The following NPIPB6 variants were observed in gnomAD, a reference collection of about 807,000 sequenced individuals.
NPIPB6 encodes nuclear pore complex interacting protein family member B6.
NPIPB6 carries 2 observed loss-of-function variants against 20.0 expected under a neutral mutation model. The ratio of observed to expected loss-of-function variants is 0.10; its 90% CI spans 0.04 to 0.31. The LOEUF (loss-of-function observed/expected upper bound fraction) is 0.31, where lower values mean the gene tolerates loss of function less well. NPIPB6 is among the 10% of genes least tolerant of loss of function. The pLI is 1.00. For missense variants in NPIPB6, 96 were observed against 293.7 expected (o/e 0.33, Z 4.92); for synonymous variants, 35 against 116.3 (o/e 0.30, Z 4.50).
intron 2 of NPIPB6, among the ~76,000 whole-genome samples, chr16:28,350,266 T>C (rs1448082735): frequency 9.9e-6 from 1 of 100,952 alleles, no homozygotes; most frequent in Non-Finnish European, 2.2e-5. Flanking sequence ...CACGGTTAGA[T>C]GGTAATTATC....
Position 28,349,672 on chromosome 16 carries a change from T to C in NPIPB6, c.304-431A>G, listed in dbSNP as rs1267431146. 3.3e-5 allele frequency among the ~76,000 whole-genome samples: 3 copies of C among 92,198 alleles called. 1 individual carries two copies. The allele number at this position is 92,198 out of a possible 152,430, so 60.5% of individuals were successfully genotyped here. On this transcript the variant is annotated intron_variant, in intron 2 of 6. Transcript: ENST00000532254. ...GGGAGGCCGAGGCAGGCGGATCACCTGAGGTCGGGAGTTTGAGACCAGCCT... is the reference window on the plus strand; with the variant it reads ...GGGAGGCCGAGGCAGGCGGATCACCCGAGGTCGGGAGTTTGAGACCAGCCT...
chr16:28,361,724 CTCTATA>C (rs1330339016), intron 1 of NPIPB6, among the ~76,000 whole-genome samples: 954 of 135,532 alleles, frequency 7.0e-3, no homozygotes, highest in African/African-American at 0.026. Context: ...CTGTCTCTCT[CTCTATA>C]TGTGTGTGTG....
rs1315192927 is a variant in NPIPB6 at position 28,349,937 on chromosome 16, G to T, written c.304-696C>A. On this transcript the variant is annotated intron_variant, in intron 2 of 6. Transcript: ENST00000532254. ...AAAGAGCCCAGGTGCGGTAGCTCACGCCTGTAATCCCAGCACTTTGGGAGG... is the reference window on the plus strand; with the variant it reads ...AAAGAGCCCAGGTGCGGTAGCTCACTCCTGTAATCCCAGCACTTTGGGAGG... Among the ~76,000 whole-genome samples the T allele has an allele frequency of 5.1e-5, 5 of 98,582 alleles. 1 individual carries two copies. The highest frequency in any genetic ancestry group is 6.0e-4 in the East Asian group (2 of 3,322). The allele number at this position is 98,582 out of a possible 152,430, so 64.7% of individuals were successfully genotyped here. A position where few individuals can be genotyped will look rare whatever the true frequency, so the allele number is the denominator to read the frequency against.
chr16:28,349,983 G>A (rs2141617034), intron 2 of NPIPB6, among the ~76,000 whole-genome samples: 1 of 101,098 alleles, frequency 9.9e-6, no homozygotes, highest in Non-Finnish European at 2.2e-5. Context: ...TGAATCACAA[G>A]GTCAAGAGAT....
rs1447896858 is a variant in NPIPB6 at position 28,351,644 on chromosome 16, G to A, written c.303+1235C>T. Among the ~76,000 whole-genome samples the A allele has an allele frequency of 1.3e-4, 15 of 111,774 alleles. No individual in the cohort carries two copies. The East Asian group carries it at 1.6e-3, about 12-fold the overall frequency. 73.3% of individuals were successfully genotyped at this position (111,774 alleles called of 152,430 possible). The stretch of plus-strand genomic sequence containing the variant: ...TGGGCAACAGAGGGAGACTCGTCTC[G>A]GGGGTGAGAAAAGAAAAAAAAAAAA... On this transcript the variant is annotated intron_variant, in intron 2 of 6. Transcript: ENST00000532254.
chr16:28,361,790 C>CTA (rs2045445034), intron 1 of NPIPB6, among the ~76,000 whole-genome samples: 2 of 123,150 alleles, frequency 1.6e-5, no homozygotes, highest in Non-Finnish European at 3.5e-5. Flanking sequence ...GTGTGTGTAT[C>CTA]TATATAAATC....
At chr16:28,360,406 T>C (rs999554772) in intron 1 of NPIPB6, among the ~76,000 whole-genome samples, 1 of 132,348 alleles carries the variant, frequency 7.6e-6, no homozygotes, top group Non-Finnish European at 1.7e-5. Flanking sequence ...GATTCTGAGT[T>C]CACTGCTGAT....
At chr16:28,362,899 A>G (rs1175427912) in exon 1 of NPIPB6, 1 of 1,279,918 alleles carries the variant, frequency 7.8e-7, no homozygotes, top group Non-Finnish European at 1.1e-6. Flanking sequence ...GAATGAGTGG[A>G]AAAACAAGGT....
intron 4 of NPIPB6, chr16:28,346,323 T>G: frequency 1.2e-6 from 1 of 809,814 alleles, no homozygotes; most frequent in Non-Finnish European, 1.5e-6. Flanking sequence ...GTGTGAGACC[T>G]GATTCTCAGT....
At chr16:28,348,089 G>A (rs1234699014) in intron 4 of NPIPB6, among the ~76,000 whole-genome samples, 1 of 110,392 alleles carries the variant, frequency 9.1e-6, no homozygotes, top group African/African-American at 3.1e-5. Flanking sequence ...TAGCCTGGGT[G>A]ACAGAGTGAG....
chr16:28,359,111 C>G (rs894726934), intron 1 of NPIPB6, among the ~76,000 whole-genome samples: 1 of 143,560 alleles, frequency 7.0e-6, no homozygotes, highest in African/African-American at 2.7e-5. Context: ...AAAAAAAAGC[C>G]CTAGATTTCG....
rs1167712517 is a variant in NPIPB6, at chr16:28,355,760, AAAAT to A, written c.121-2703_121-2700del. On this transcript the variant is annotated intron_variant, in intron 1 of 6. Coordinates refer to ENST00000532254, the Ensembl canonical transcript of NPIPB6. ...GCAACAAGGGAGAAACTGTCTCAAA[AAAAT>A]AAATAAATAAATAAAATAATGTAGA... Among the ~76,000 whole-genome samples, 6 of 128,738 alleles carry A rather than the reference AAAAT, an allele frequency of 4.7e-5. 1 individual carries two copies. The highest frequency in any genetic ancestry group is 2.3e-4 in the East Asian group (1 of 4,334). The allele number at this position is 128,738 out of a possible 152,430, so 84.5% of individuals were successfully genotyped here.
intron 1 of NPIPB6, among the ~76,000 whole-genome samples, chr16:28,362,120 C>CA (rs1567235124): frequency 2.8e-5 from 4 of 142,620 alleles, no homozygotes; most frequent in African/African-American, 1.1e-4. Context: ...TTTTTTTTGA[C>CA]AGAGTCTCGC....
intron 1 of NPIPB6, among the ~76,000 whole-genome samples, chr16:28,355,794 G>A (rs1226149552): frequency 8.1e-6 from 1 of 122,916 alleles, no homozygotes; most frequent in Non-Finnish European, 1.8e-5. Flanking sequence ...TGTAGATCTT[G>A]AAAGGGGGTC....
chr16:28,349,491 C>CA (rs199557085), intron 2 of NPIPB6, among the ~76,000 whole-genome samples: 1,860 of 104,288 alleles, frequency 0.018, 122 homozygotes, highest in East Asian at 0.15. Flanking sequence ...GCGGAGGTTG[C>CA]AGTGAGCCGA....
chr16:28,342,652 T>C (rs1211071894), exon 7 of NPIPB6: 2 of 1,542,460 alleles, frequency 1.3e-6, no homozygotes, highest in African/African-American at 2.8e-5. Flanking sequence ...AATGGCGTGT[T>C]CTCAGCTTAC....
intron 4 of NPIPB6, among the ~76,000 whole-genome samples, chr16:28,348,016 A>G (rs2045124811): frequency 8.3e-6 from 1 of 119,852 alleles, no homozygotes; most frequent in African/African-American, 2.9e-5. Context: ...AGGCTGAGGG[A>G]TAAGAATCAC....
intron 1 of NPIPB6, among the ~76,000 whole-genome samples, chr16:28,360,396 G>C (rs2045404936): frequency 7.5e-6 from 1 of 132,528 alleles, no homozygotes; most frequent in Non-Finnish European, 1.7e-5. Context: ...TCACTCAATT[G>C]ATTCTGAGTT....
At chr16:28,361,385 TTCTTTCATA>T (rs2045428033) in intron 1 of NPIPB6, among the ~76,000 whole-genome samples, 1 of 148,022 alleles carries the variant, frequency 6.8e-6, no homozygotes, top group South Asian at 2.1e-4. Flanking sequence ...ACTATGCATA[TTCTTTCATA>T]GCCAGTGTTT....
Sources: gnomAD v4.1 joint callset for allele counts (sites outside exome capture counted in the v4.1 genomes callset) on GRCh38, gnomAD v4.1.1 for gene constraint, MANE v1.5 for transcripts, NCBI Gene and HGNC (gene_info 2026-07-23, HGNC 2026-07-21) for gene names.